MVB12A: variants seen among roughly 807,000 people sequenced by gnomAD.
The protein encoded by MVB12A is CIN85/CD2AP family binding protein.
Under a neutral mutation model 34.3 loss-of-function variants are expected in MVB12A, and 30 were observed. That is an observed-to-expected ratio of 0.88 (90% confidence interval 0.65 to 1.19). MVB12A has a LOEUF of 1.19. MVB12A is among the 50% of genes most tolerant of loss of function. The probability of loss-of-function intolerance (pLI) is 0.00; values close to 1 mark genes in which losing one functional copy is unlikely to be tolerated. For missense variants in MVB12A, 355 were observed against 369.2 expected (o/e 0.96, Z 0.31); for synonymous variants, 158 against 158.9 (o/e 0.99, Z 0.04).
chr19:17,415,770 A>G (rs2074795980), upstream of MVB12A: 1 of 152,238 alleles, frequency 6.6e-6, no homozygotes, highest in Admixed American at 6.5e-5. Context: ...GCTTGGGTAT[A>G]ACACTTTGAG....
rs200800984 is a variant in MVB12A, at chr19:17,420,582, C to T, written c.234C>T (p.Asp78=). ...NVVADIQIVV[D]KSPLPLGFSP... ...TGGCCGATATCCAGATCGTGGTGGA[C>T]AAGAGCCCCCTGCCGCTGGGCTTCT... Residue 78 remains aspartate, a synonymous_variant, in exon 3 of 9, where the codon GAC becomes GAT. Coordinates refer to ENST00000317040, the MANE Select transcript of MVB12A (RefSeq NM_138401.4). 6.2e-7 allele frequency: 1 copy of T among 1,614,054 alleles called. No individual in the cohort carries two copies. The highest frequency in any genetic ancestry group is 8.5e-7 in the Non-Finnish European group (1 of 1,179,944).
At chr19:17,420,961 G>A (rs2074835065) in intron 3 of MVB12A, 2 of 539,180 alleles carry the variant, frequency 3.7e-6, no homozygotes, top group South Asian at 1.5e-5. Context: ...TCATTTCCAG[G>A]CTTTGCACAC....
At chr19:17,422,253 G>A in intron 3 of MVB12A, 79 bp from the exon 4 acceptor site, 2 of 1,438,232 alleles carry the variant, frequency 1.4e-6, no homozygotes, top group Non-Finnish European at 1.9e-6. Context: ...ACCCTGGCGA[G>A]CCTCATCCTA....
Position 17,420,636 on chromosome 19 carries a change from T to G in MVB12A, c.286+2T>G. ...CCGTCTGCGACCCCATGGATTCCAG[T>G]AAGGGCTGCTTCGGAGGCGAGAGTT... On this transcript the variant is annotated splice_donor_variant, in intron 3 of 8. Coordinates refer to ENST00000317040, the MANE Select transcript of MVB12A (RefSeq NM_138401.4). LOFTEE classifies it high-confidence loss of function. The G allele has an allele frequency of 6.2e-7, 1 of 1,605,232 alleles. No individual in the cohort carries two copies. The highest frequency in any genetic ancestry group is 8.5e-7 in the Non-Finnish European group (1 of 1,172,074).
At chr19:17,420,692 A>G in intron 3 of MVB12A, 58 bp downstream of exon 3, 1 of 1,310,606 alleles carries the variant, frequency 7.6e-7, no homozygotes, top group Non-Finnish European at 1.1e-6. Flanking sequence ...GGAGCGGGGG[A>G]GGAGGGACGA....
chr19:17,414,987 G>C (rs185432153), intron 2 of MVB12A: 2 of 151,956 alleles, frequency 1.3e-5, no homozygotes, highest in South Asian at 2.1e-4. Flanking sequence ...CCAGGAGTTC[G>C]AGACCAGCCT....
At position 17,423,745 on chromosome 19, in the gene MVB12A, A is replaced by G. The variant is rs1599609139; in HGVS notation, c.586A>G (p.Thr196Ala). 1 of 1,613,778 alleles carries G rather than the reference A, an allele frequency of 6.2e-7. No individual in the cohort carries two copies. Among genetic ancestry groups the G allele is most frequent in the Non-Finnish European group, 8.5e-7 (1 of 1,179,890 alleles). The change falls in exon 6 of 9, where the codon ACT becomes GCT. Residue 196 changes from threonine to alanine, a missense_variant. Physicochemically the swap from Thr to Ala is moderately conservative, Grantham distance 58. Transcript: ENST00000317040. ...TASRLGSRAS[T>A]LRRNDSIYEA... ...GTCAAGGCTGGGCTCTCGGGCATCC[A>G]CTCTGCGGAGGAATGACTCCATCTA...
At position 17,422,316 on chromosome 19, in the gene MVB12A, T is replaced by TG. The variant is rs761699590; in HGVS notation, c.287-16_287-15insG. 3.1e-6 allele frequency: 5 copies of TG among 1,598,770 alleles called. No homozygotes were observed. The highest frequency in any genetic ancestry group is 4.3e-6 in the Non-Finnish European group (5 of 1,170,936). ...GCCTGGCTTCCCTCTCTCACTCCCCTACCCCCCACTCCCAGAGGCCTCTGT... is the reference window on the plus strand; with the variant it reads ...GCCTGGCTTCCCTCTCTCACTCCCCTGACCCCCCACTCCCAGAGGCCTCTGT... On this transcript the variant is annotated splice_polypyrimidine_tract_variant and intron_variant, in intron 3 of 8. Transcript: ENST00000317040.
At chr19:17,416,229 A>G (rs1237261144), upstream of MVB12A, among the ~76,000 whole-genome samples, 1 of 79,112 alleles carries the variant, frequency 1.3e-5, no homozygotes, top group South Asian at 4.2e-4. Flanking sequence ...TTACAGGCGC[A>G]TGCCACTGAG....
chr19:17,406,625 A>G (rs959147632), intron 2 of MVB12A, among the ~76,000 whole-genome samples: 4 of 151,798 alleles, frequency 2.6e-5, no homozygotes, highest in African/African-American at 9.7e-5. Flanking sequence ...CCTGACTCCA[A>G]CATCCCTCAG....
At chr19:17,419,882 G>C, upstream of MVB12A, 1 of 360,118 alleles carries the variant, frequency 2.8e-6, no homozygotes. Context: ...CGGAAAGCCG[G>C]CAAGACCTTT....
At chr19:17,421,270 C>G in intron 3 of MVB12A, 1 of 349,072 alleles carries the variant, frequency 2.9e-6, no homozygotes, top group Non-Finnish European at 5.5e-6. Context: ...CCACAACCTC[C>G]GACTCCCGGG....
At chr19:17,422,092 C>T in intron 3 of MVB12A, 1 of 382,554 alleles carries the variant, frequency 2.6e-6, no homozygotes. Flanking sequence ...CTAGCCACCC[C>T]ATGAATGCAG....
intron 8 of MVB12A, 100 bp downstream of exon 8, chr19:17,424,777 C>T: frequency 2.0e-6 from 3 of 1,471,486 alleles, no homozygotes; most frequent in Non-Finnish European, 2.8e-6. Context: ...TCCCAGTTTT[C>T]CCCATCCCCG....
chr19:17,408,829 C>CTTTTTT (rs60162893), intron 2 of MVB12A, among the ~76,000 whole-genome samples: 4 of 120,706 alleles, frequency 3.3e-5, no homozygotes, highest in Non-Finnish European at 3.2e-5. Context: ...TCTGCCATTA[C>CTTTTTT]TTTTTTTTTT....
chr19:17,410,122 C>G (rs539884339), intron 2 of MVB12A, among the ~76,000 whole-genome samples: 1 of 152,010 alleles, frequency 6.6e-6, no homozygotes, highest in African/African-American at 2.4e-5. Flanking sequence ...ACCACAATTA[C>G]TTTCGCAATA....
intron 2 of MVB12A, among the ~76,000 whole-genome samples, chr19:17,412,926 G>A (rs1158834547): frequency 4.6e-5 from 7 of 152,176 alleles, no homozygotes; most frequent in Non-Finnish European, 8.8e-5. Flanking sequence ...GACTGGTTCC[G>A]TGGACAAGGG....
chr19:17,416,946 G>A, upstream of MVB12A: 1 of 207,272 alleles, frequency 4.8e-6, no homozygotes, highest in South Asian at 6.3e-5. Context: ...ACCCGCCTTG[G>A]CCTCCCAAAG....
intron 3 of MVB12A, chr19:17,420,922 C>T (rs778162585): frequency 9.4e-6 from 6 of 636,760 alleles, no homozygotes; most frequent in South Asian, 9.1e-5. Flanking sequence ...ACACCATAGC[C>T]AAGCAAAACC....
Sources: gnomAD v4.1 joint callset for allele counts (sites outside exome capture counted in the v4.1 genomes callset) on GRCh38, gnomAD v4.1.1 for gene constraint, MANE v1.5 for transcripts, NCBI Gene and HGNC (gene_info 2026-07-23, HGNC 2026-07-21) for gene names.